VPS41: variants seen among roughly 807,000 people sequenced by gnomAD.
The protein encoded by VPS41 is VPS41 subunit of HOPS complex, also known as vacuolar protein sorting-associated protein 41 homolog.
In VPS41, 85 loss-of-function variants were observed where a neutral mutation model predicts 130.9. The observed-to-expected ratio is 0.65, with a 90% confidence interval of 0.55 to 0.78. VPS41 has a LOEUF of 0.78. Ranked by LOEUF, VPS41 falls within the 30% of genes least tolerant of loss-of-function variation. The pLI is 0.00. For missense variants in VPS41, 874 were observed against 1,018.7 expected (o/e 0.86, Z 1.93); for synonymous variants, 335 against 332.9 (o/e 1.01, Z -0.07).
intron 2 of VPS41, among the ~76,000 whole-genome samples, chr7:38,870,528 A>G (rs1351291443): frequency 2.0e-5 from 3 of 152,040 alleles, no homozygotes; most frequent in Non-Finnish European, 2.9e-5. Flanking sequence ...TAGTGAAGGA[A>G]AGGGTGACTC....
chr7:38,859,400 T>A lies in VPS41; in HGVS notation c.246+3145A>T, dbSNP rs183915461. Among the ~76,000 whole-genome samples, 33 of 152,256 alleles carry A rather than the reference T, an allele frequency of 2.2e-4. No homozygotes were observed. The East Asian group carries it at 5.6e-3, about 26-fold the overall frequency. On this transcript the variant is annotated intron_variant, in intron 4 of 28. Transcript: ENST00000310301. ...GCCTTCACATTCACTCACTGCTCAT[T>A]CACTGACCCACCCAGAACAACTTCC...
chr7:38,756,534 GTT>G (rs1354896283), intron 19 of VPS41, among the ~76,000 whole-genome samples: 1 of 152,060 alleles, frequency 6.6e-6, no homozygotes, highest in Non-Finnish European at 1.5e-5. Flanking sequence ...TACGTGGTTT[GTT>G]TCTATAAATT....
chr7:38,745,177 C>A (rs900185771), intron 23 of VPS41, among the ~76,000 whole-genome samples: 1 of 152,116 alleles, frequency 6.6e-6, no homozygotes, highest in Admixed American at 6.6e-5. Flanking sequence ...AATTGCATTT[C>A]CTCTAGTTAT....
At chr7:38,830,388 A>G in intron 4 of VPS41, 60 bp from the exon 5 acceptor site, 1 of 987,846 alleles carries the variant, frequency 1.0e-6, no homozygotes, top group Non-Finnish European at 1.6e-6. Context: ...TCAACAATCA[A>G]TGTCTTTGCT....
intron 2 of VPS41, among the ~76,000 whole-genome samples, chr7:38,891,128 C>G (rs1032893499): frequency 2.0e-5 from 3 of 152,124 alleles, no homozygotes; most frequent in Non-Finnish European, 2.9e-5. Context: ...TTTCCCCTAA[C>G]TCCCTTGTTA....
chr7:38,860,486 T>C (rs1253217054), intron 4 of VPS41, among the ~76,000 whole-genome samples: 1 of 152,034 alleles, frequency 6.6e-6, no homozygotes, highest in Non-Finnish European at 1.5e-5. Flanking sequence ...TAGTTTAGTT[T>C]TGCTTTTTCT....
intron 5 of VPS41, among the ~76,000 whole-genome samples, chr7:38,823,934 T>C (rs867110712): frequency 6.6e-6 from 1 of 152,190 alleles, no homozygotes; most frequent in Non-Finnish European, 1.5e-5. Flanking sequence ...TATAAAATAA[T>C]GGCTAAAAAG....
chr7:38,746,683 C>T (rs373144047), intron 22 of VPS41, among the ~76,000 whole-genome samples: 1 of 152,062 alleles, frequency 6.6e-6, no homozygotes, highest in Admixed American at 6.6e-5. Context: ...TTATCTCATA[C>T]CCTGCCTACA....
At chr7:38,861,653 A>C (rs1157565263) in intron 4 of VPS41, among the ~76,000 whole-genome samples, 1 of 152,200 alleles carries the variant, frequency 6.6e-6, no homozygotes, top group Non-Finnish European at 1.5e-5. Flanking sequence ...TTTCTAAACT[A>C]TATCAATAGA....
At chr7:38,812,535 G>C (rs570951894) in intron 7 of VPS41, among the ~76,000 whole-genome samples, 2 of 152,154 alleles carry the variant, frequency 1.3e-5, no homozygotes, top group South Asian at 2.1e-4. Context: ...AAAAAATTAA[G>C]ATAAATGTGA....
intron 7 of VPS41, among the ~76,000 whole-genome samples, chr7:38,802,308 C>T (rs1784744514): frequency 6.6e-6 from 1 of 152,138 alleles, no homozygotes; most frequent in Admixed American, 6.5e-5. Context: ...CGCATGTGGC[C>T]TGCTTCTCTC....
rs187602767 is a variant in VPS41 at position 38,892,285 on chromosome 7, C to T, written c.60+5806G>A. On this transcript the variant is annotated intron_variant, in intron 2 of 28. Transcript: ENST00000310301. ...AGGTTGGAGCCTCGGAGTCAAACTA[C>T]GGGATCCAAATGCATTTACCAACTG... is the stretch of plus-strand genomic sequence containing the variant. Among the ~76,000 whole-genome samples, 19 of 152,112 alleles carry T rather than the reference C, an allele frequency of 1.2e-4. No individual in the cohort carries two copies. In the East Asian group the frequency reaches 3.5e-3, roughly 28 times the overall value.
At position 38,843,478 on chromosome 7, in the gene VPS41, C is replaced by T. The variant is rs776263865; in HGVS notation, c.247-13150G>A. ...CAGGTGGATAACGAGGTCAGAAGAT[C>T]GAGACCATCTTGGCTAACATGGTGA... On this transcript the variant is annotated intron_variant, in intron 4 of 28. Transcript: ENST00000310301. Among the ~76,000 whole-genome samples the T allele has an allele frequency of 1.1e-4, 17 of 151,334 alleles. 1 individual carries two copies. The Middle Eastern group carries it at 0.01, about 93-fold the overall frequency.
chr7:38,870,684 G>C (rs1488228487), intron 2 of VPS41, among the ~76,000 whole-genome samples: 1 of 137,570 alleles, frequency 7.3e-6, no homozygotes, highest in Non-Finnish European at 1.5e-5. Flanking sequence ...ATAAACAAAT[G>C]GGTGACCTAG....
At chr7:38,805,327 A>C (rs1306181498) in intron 7 of VPS41, among the ~76,000 whole-genome samples, 1 of 152,022 alleles carries the variant, frequency 6.6e-6, no homozygotes, top group Non-Finnish European at 1.5e-5. Context: ...AAGGTCAAGA[A>C]ATGGAGATCA....
intron 7 of VPS41, among the ~76,000 whole-genome samples, chr7:38,815,924 CTATA>C (rs3056367): frequency 2.7e-5 from 4 of 150,122 alleles, no homozygotes; most frequent in African/African-American, 2.4e-5. Context: ...CAATAAACTA[CTATA>C]TATATATATA....
At position 38,758,387 on chromosome 7, in the gene VPS41, T is replaced by C; in HGVS notation, c.1517A>G (p.Gln506Arg). ...AVRDHLKKDS[Q>R]NKTLLKTLAE... Reference sequence around the variant, plus strand: ...CAGGGTTTTAAGTAAAGTCTTGTTCTGACTATCTTTCTTCAAATGATCCCG... The same window carrying C: ...CAGGGTTTTAAGTAAAGTCTTGTTCCGACTATCTTTCTTCAAATGATCCCG... Residue 506 changes from glutamine (Q) to arginine (R), a missense_variant, in exon 18 of 29, where the codon CAG becomes CGG. Gln to Arg is a conservative substitution (Grantham distance 43). Coordinates refer to ENST00000310301, the MANE Select transcript of VPS41 (RefSeq NM_014396.4). The C allele has an allele frequency of 6.2e-7, 1 of 1,613,296 alleles. No homozygotes were observed. Among genetic ancestry groups the C allele is most frequent in the Non-Finnish European group, 8.5e-7 (1 of 1,179,666 alleles).
intron 17 of VPS41, among the ~76,000 whole-genome samples, chr7:38,760,770 A>G (rs1324792878): frequency 6.6e-6 from 1 of 152,152 alleles, no homozygotes; most frequent in Non-Finnish European, 1.5e-5. Context: ...TATAAAAAAT[A>G]GTACATTATT....
At chr7:38,826,996 T>C (rs1294287913) in intron 5 of VPS41, among the ~76,000 whole-genome samples, 1 of 151,958 alleles carries the variant, frequency 6.6e-6, no homozygotes, top group Non-Finnish European at 1.5e-5. Flanking sequence ...TTTTTTGTAT[T>C]TTTAGTAGAG....
Sources: allele counts gnomAD v4.1 joint callset (sites outside exome capture counted in the v4.1 genomes callset), GRCh38; gene constraint gnomAD v4.1.1; transcripts MANE v1.5; gene names NCBI Gene and HGNC (gene_info 2026-07-23, HGNC 2026-07-21).